ZBTB38: variants seen among roughly 807,000 people sequenced by gnomAD.
The protein encoded by ZBTB38 is zinc finger and BTB domain-containing protein 38.
A neutral mutation model predicts 76.8 loss-of-function variants in ZBTB38; 20 were observed. The observed-to-expected ratio is 0.26, with a 90% CI of 0.18 to 0.38. The LOEUF (loss-of-function observed/expected upper bound fraction) is 0.38, where lower values mean the gene tolerates loss of function less well. ZBTB38 is among the 10% of genes least tolerant of loss of function. ZBTB38 has a pLI of 1.00. For missense variants in ZBTB38, 1,082 were observed against 1,482.3 expected (o/e 0.73, Z 4.43); for synonymous variants, 504 against 544.2 (o/e 0.93, Z 1.03).
chr3:141,430,358 C>T (rs1262198950), intron 5 of ZBTB38, among the ~76,000 whole-genome samples: 1 of 152,174 alleles, frequency 6.6e-6, no homozygotes, highest in African/African-American at 2.4e-5. Context: ...TGAGCCACCA[C>T]GCCCGGCCTC....
At chr3:141,342,273 C>T (rs1310119980) in intron 1 of ZBTB38, among the ~76,000 whole-genome samples, 4 of 151,388 alleles carry the variant, frequency 2.6e-5, no homozygotes, top group Admixed American at 2.0e-4. Flanking sequence ...TGCAGTGAGC[C>T]AAGGTCACGC....
intron 1 of ZBTB38, among the ~76,000 whole-genome samples, chr3:141,329,018 G>A (rs1942761838): frequency 6.6e-6 from 1 of 152,102 alleles, no homozygotes; most frequent in African/African-American, 2.4e-5. Context: ...GTCGTGCATA[G>A]CTCTGCCATT....
intron 5 of ZBTB38, chr3:141,438,391 T>G (rs1488789476): frequency 6.6e-6 from 1 of 152,240 alleles, no homozygotes; most frequent in Non-Finnish European, 1.5e-5. Flanking sequence ...CCCGGCTAAT[T>G]TTGTATTTTG....
At chr3:141,364,938 AGT>A (rs1305891355), upstream of ZBTB38, among the ~76,000 whole-genome samples, 1 of 152,192 alleles carries the variant, frequency 6.6e-6, no homozygotes, top group Non-Finnish European at 1.5e-5. Flanking sequence ...ATAAATTGCT[AGT>A]GAGAATGTAA....
At chr3:141,435,455 T>G (rs773702168) in intron 5 of ZBTB38, among the ~76,000 whole-genome samples, 1 of 152,158 alleles carries the variant, frequency 6.6e-6, no homozygotes, top group Non-Finnish European at 1.5e-5. Flanking sequence ...ATGTGTAATA[T>G]GCATTTTAAA....
intron 4 of ZBTB38, among the ~76,000 whole-genome samples, chr3:141,397,873 T>C (rs1460746891): frequency 6.6e-6 from 1 of 152,146 alleles, no homozygotes; most frequent in Admixed American, 6.5e-5. Context: ...ATAATGATAA[T>C]GGAAAAGTTT....
At chr3:141,329,510 A>G (rs1345098151) in intron 1 of ZBTB38, among the ~76,000 whole-genome samples, 1 of 152,178 alleles carries the variant, frequency 6.6e-6, no homozygotes, top group Non-Finnish European at 1.5e-5. Context: ...TATACATGCT[A>G]CTTGTTTGTT....
At chr3:141,378,558 G>C (rs1225064428) in intron 2 of ZBTB38, among the ~76,000 whole-genome samples, 1 of 152,128 alleles carries the variant, frequency 6.6e-6, no homozygotes, top group Admixed American at 6.5e-5. Context: ...TCACAAAAAA[G>C]GTATTAAAAC....
chr3:141,436,623 G>A (rs2150740710), intron 5 of ZBTB38, among the ~76,000 whole-genome samples: 1 of 152,042 alleles, frequency 6.6e-6, no homozygotes, highest in East Asian at 1.9e-4. Context: ...TCAGCCTCCC[G>A]AGTAGCTGGG....
intron 2 of ZBTB38, among the ~76,000 whole-genome samples, chr3:141,381,062 A>G (rs1321144996): frequency 6.6e-6 from 1 of 152,128 alleles, no homozygotes; most frequent in Non-Finnish European, 1.5e-5. Context: ...TGTTTTGCCA[A>G]TTCAGAATCT....
rs114763789 is a variant in ZBTB38 at position 141,441,737 on chromosome 3, G to A, written c.1-652G>A. On this transcript the variant is annotated intron_variant, in intron 5 of 5. Transcript: ENST00000321464. ...AAAAAAATAGCCTGGGCAACATAGC[G>A]AAACCCTGTCTCTACCAACAATACA... Among the ~76,000 whole-genome samples the A allele has an allele frequency of 4.3e-3, 661 of 152,140 alleles. 6 individuals carry two copies. Among genetic ancestry groups the A allele is most frequent in the African/African-American group, 0.015 (631 of 41,510 alleles).
intron 1 of ZBTB38, among the ~76,000 whole-genome samples, chr3:141,327,013 G>GT (rs1463500755): frequency 2.0e-5 from 3 of 152,150 alleles, no homozygotes; most frequent in Non-Finnish European, 4.4e-5. Flanking sequence ...TTGTGATGTA[G>GT]TTTTTTTGAG....
rs200934918 is a variant in ZBTB38 at position 141,444,823 on chromosome 3, C to T, written c.2435C>T (p.Thr812Ile). Residue 812 changes from threonine (T) to isoleucine (I), a missense_variant, in exon 6 of 6, where the codon ACC becomes ATC. Coordinates refer to ENST00000321464, the MANE Select transcript of ZBTB38 (RefSeq NM_001376113.1). This position sits in a 1 kb window ranked among gnomAD's most constrained non-coding sequence, Gnocchi z 5.1. Reference sequence around the variant, plus strand: ...AAAACCACAAATATTGCTGAAGAAACCAGCAAAATTGAAACCTACATTGCA... The same window carrying T: ...AAAACCACAAATATTGCTGAAGAAATCAGCAAAATTGAAACCTACATTGCA... ...LSKTTNIAEE[T>I]SKIETYIAKP... The T allele has an allele frequency of 6.2e-7, 1 of 1,614,106 alleles. No homozygotes were observed.
intron 1 of ZBTB38, among the ~76,000 whole-genome samples, chr3:141,343,209 G>A (rs1943246727): frequency 6.6e-6 from 1 of 152,100 alleles, no homozygotes; most frequent in Admixed American, 6.6e-5. Flanking sequence ...AGCCATCTGG[G>A]GTAAAAGTGG....
chr3:141,379,384 G>A (rs919735783), intron 2 of ZBTB38, among the ~76,000 whole-genome samples: 1 of 152,146 alleles, frequency 6.6e-6, no homozygotes, highest in Non-Finnish European at 1.5e-5. Flanking sequence ...CTGAGCATAT[G>A]GGCTGAAGTC....
intron 4 of ZBTB38, among the ~76,000 whole-genome samples, chr3:141,391,991 C>A (rs1011883706): frequency 6.6e-6 from 1 of 152,150 alleles, no homozygotes; most frequent in South Asian, 2.1e-4. Context: ...CTCTTTCATG[C>A]TTTTCAGGTT....
chr3:141,348,787 A>G (rs1943436974), intron 1 of ZBTB38, among the ~76,000 whole-genome samples: 4 of 152,206 alleles, frequency 2.6e-5, no homozygotes, highest in Admixed American at 2.6e-4. Context: ...CCAAGACCCC[A>G]CTAAAATGAT....
At chr3:141,359,895 C>T (rs1444474753) in intron 1 of ZBTB38, among the ~76,000 whole-genome samples, 1 of 152,268 alleles carries the variant, frequency 6.6e-6, no homozygotes, top group Non-Finnish European at 1.5e-5. Flanking sequence ...CACACCACTG[C>T]ACTCCAGCCT....
chr3:141,389,520 A>G (rs906479018), intron 4 of ZBTB38: 2 of 148,376 alleles, frequency 1.3e-5, no homozygotes, highest in East Asian at 4.0e-4. Context: ...GACTAAGTAC[A>G]TTTTGAATAT....
Sources: allele counts gnomAD v4.1 joint callset (sites outside exome capture counted in the v4.1 genomes callset), GRCh38; gene constraint gnomAD v4.1.1; non-coding constraint Gnocchi (gnomAD v3.1); transcripts MANE v1.5; gene names NCBI Gene and HGNC (gene_info 2026-07-23, HGNC 2026-07-21).